BTBD7: variants seen among roughly 807,000 people sequenced by gnomAD.
BTBD7 encodes BTB domain containing 7.
BTBD7 carries 38 observed loss-of-function variants against 99.9 expected under a neutral mutation model. That is an observed-to-expected ratio of 0.38 (90% CI 0.29 to 0.50). The LOEUF is 0.50. BTBD7 is among the 20% of genes least tolerant of loss of function. The pLI, the probability that BTBD7 is intolerant of heterozygous loss-of-function variation, is 0.93. For synonymous variants in BTBD7, 520 were observed against 511.4 expected (o/e 1.02, Z -0.23); for missense variants, 1,170 against 1,394.6 (o/e 0.84, Z 2.57).
rs2053269662 is a variant in BTBD7 at position 93,321,544 on chromosome 14, G to C, written c.-107+11276C>G. 2.0e-5 allele frequency among the ~76,000 whole-genome samples: 3 copies of C among 152,330 alleles called. No individual in the cohort carries two copies. In the South Asian group the frequency reaches 6.2e-4, roughly 32 times the overall value. The stretch of plus-strand genomic sequence containing the variant: ...GGAGGTGGAGGTTGCAGTGAGCTGA[G>C]ATCGCGCCATGGCACTCCAGCCTGG... On this transcript the variant is annotated intron_variant, in intron 1 of 10. Coordinates refer to ENST00000334746, the MANE Select transcript of BTBD7 (RefSeq NM_001002860.4).
chr14:93,258,561 T>C (rs1290489645), intron 5 of BTBD7, among the ~76,000 whole-genome samples: 5 of 152,052 alleles, frequency 3.3e-5, no homozygotes, highest in Non-Finnish European at 5.9e-5. Flanking sequence ...ACTAACCCAG[T>C]GTGGAAACTA....
chr14:93,259,365 C>T (rs938970134), intron 5 of BTBD7, among the ~76,000 whole-genome samples: 5 of 152,106 alleles, frequency 3.3e-5, no homozygotes, highest in Non-Finnish European at 7.3e-5. Flanking sequence ...CAGTACTACA[C>T]CTGGGGGCCA....
intron 1 of BTBD7, among the ~76,000 whole-genome samples, chr14:93,330,847 C>T (rs1288519442): frequency 6.6e-6 from 1 of 152,184 alleles, no homozygotes; most frequent in Non-Finnish European, 1.5e-5. Context: ...TACCTGGAAA[C>T]TAGGTAGTGT....
chr14:93,333,024 C>G lies in BTBD7; in HGVS notation c.-311G>C, dbSNP rs2053477304. On this transcript the variant is annotated 5_prime_UTR_variant, in exon 1 of 11. Transcript: ENST00000334746. ...GTTCCCCTCGCCGCCATTTTGACTCCTAGACGGAGCAGGAGGGGCTCGGTT... is the reference window on the plus strand; with the variant it reads ...GTTCCCCTCGCCGCCATTTTGACTCGTAGACGGAGCAGGAGGGGCTCGGTT... 1.9e-6 allele frequency: 1 copy of G among 513,904 alleles called. No homozygotes were observed. The highest frequency in any genetic ancestry group is 3.3e-6 in the Non-Finnish European group (1 of 300,222). 31.8% of individuals were successfully genotyped at this position (513,904 alleles called of 1,614,324 possible). A position where few individuals can be genotyped will look rare whatever the true frequency, so the allele number is the denominator to read the frequency against.
Position 93,294,549 on chromosome 14 carries a change from A to C in BTBD7, c.471T>G (p.Arg157=). 1 of 1,614,000 alleles carries C rather than the reference A, an allele frequency of 6.2e-7. No homozygotes were observed. Among genetic ancestry groups the C allele is most frequent in the Non-Finnish European group, 8.5e-7 (1 of 1,179,962 alleles). Residue 157 remains arginine, a synonymous_variant, in exon 3 of 11, where the codon CGT becomes CGG. Transcript: ENST00000334746. The part of the protein sequence containing the change: ...IFQETCFPVH[R]AILAARCPFF... Reference sequence around the variant, plus strand: ...ATGGACACCTTGCTGCCAAAATGGCACGATGAACAGGAAAACAAGTTTCTT... The same window carrying C: ...ATGGACACCTTGCTGCCAAAATGGCCCGATGAACAGGAAAACAAGTTTCTT...
intron 1 of BTBD7, among the ~76,000 whole-genome samples, chr14:93,306,347 C>G (rs1396836906): frequency 6.6e-6 from 1 of 151,548 alleles, no homozygotes; most frequent in Non-Finnish European, 1.5e-5. Context: ...GTGGCTCACG[C>G]CTATAATCCC....
chr14:93,272,786 C>T (rs550894920), intron 3 of BTBD7, among the ~76,000 whole-genome samples: 3 of 152,254 alleles, frequency 2.0e-5, no homozygotes, highest in African/African-American at 7.2e-5. Context: ...ACTGTCGGTC[C>T]TTAGATGCTG....
At chr14:93,257,470 C>T in intron 5 of BTBD7, 115 bp from the exon 6 acceptor site, 1 of 883,614 alleles carries the variant, frequency 1.1e-6, no homozygotes, top group Non-Finnish European at 1.6e-6. Context: ...TGTGCCTCTG[C>T]TTTAAAAAGG....
At chr14:93,280,373 C>G (rs1231718114) in intron 3 of BTBD7, among the ~76,000 whole-genome samples, 1 of 152,130 alleles carries the variant, frequency 6.6e-6, no homozygotes, top group Admixed American at 6.6e-5. Flanking sequence ...ACACTGACAA[C>G]GAAAACCTAA....
intron 3 of BTBD7, among the ~76,000 whole-genome samples, chr14:93,272,472 T>C (rs2139723894): frequency 6.6e-6 from 1 of 152,274 alleles, no homozygotes; most frequent in South Asian, 2.1e-4. Flanking sequence ...CCTACAGATT[T>C]GTCCTTCAGA....
At chr14:93,289,577 ATTG>A (rs1260314420) in intron 3 of BTBD7, among the ~76,000 whole-genome samples, 2 of 152,000 alleles carry the variant, frequency 1.3e-5, no homozygotes, top group African/African-American at 2.4e-5. Context: ...CATCTTCCCC[ATTG>A]TTGTTTTCTC....
chr14:93,308,149 T>C (rs1475122755), intron 1 of BTBD7, among the ~76,000 whole-genome samples: 2 of 151,606 alleles, frequency 1.3e-5, no homozygotes, highest in Non-Finnish European at 2.9e-5. Context: ...TAGCCGGGTG[T>C]GGTGGTGGGC....
Position 93,326,540 on chromosome 14 carries a change from G to A in BTBD7, c.-107+6280C>T, listed in dbSNP as rs144855316. Among the ~76,000 whole-genome samples the A allele has an allele frequency of 1.4e-3, 215 of 152,110 alleles. 2 individuals carry two copies. The highest frequency in any genetic ancestry group is 0.01 in the Middle Eastern group (3 of 294). ...AACTGGGCCAGACATGGTAGCTCAC[G>A]CCTATAATCCCAGCAATTTGGGAGG... On this transcript the variant is annotated intron_variant, in intron 1 of 10. Transcript: ENST00000334746.
At chr14:93,332,554 C>T (rs895137405) in intron 1 of BTBD7, among the ~76,000 whole-genome samples, 3 of 151,644 alleles carry the variant, frequency 2.0e-5, no homozygotes, top group Non-Finnish European at 4.4e-5. Context: ...GAGCGCCACA[C>T]CTCGCGCCCC....
intron 1 of BTBD7, among the ~76,000 whole-genome samples, chr14:93,316,367 G>A (rs1181127494): frequency 6.6e-6 from 1 of 151,860 alleles, no homozygotes; most frequent in Admixed American, 6.6e-5. Context: ...GGGCTCAAGT[G>A]ATCCTCCCGA....
chr14:93,303,968 C>T (rs2053037915), intron 1 of BTBD7, among the ~76,000 whole-genome samples: 1 of 152,180 alleles, frequency 6.6e-6, no homozygotes, highest in Admixed American at 6.5e-5. Flanking sequence ...CCTGGACATC[C>T]CCAAAAGTTT....
At chr14:93,291,820 T>C (rs1298288643) in intron 3 of BTBD7, among the ~76,000 whole-genome samples, 2 of 150,798 alleles carry the variant, frequency 1.3e-5, no homozygotes, top group Admixed American at 6.6e-5. Context: ...TAACTCAAGA[T>C]AAACTCTAGA....
chr14:93,294,787 C>G lies in BTBD7; in HGVS notation c.233G>C (p.Arg78Thr), dbSNP rs779325313. The G allele has an allele frequency of 6.2e-7, 1 of 1,613,944 alleles. No homozygotes were observed. The highest frequency in any genetic ancestry group is 2.2e-5 in the East Asian group (1 of 44,860). ...CATCTGCTTGGCATGATCGGCAGAC[C>G]TATTAGATTTCCGACGCTTAATAAA... Reference protein sequence around the residue: ...KKFIKRRKSNRSADHAKQMRE... With the variant: ...KKFIKRRKSNTSADHAKQMRE... The change falls in exon 3 of 11, where the codon AGG becomes ACG. Residue 78 changes from arginine to threonine, a missense_variant. By Grantham distance (71) the Arg-to-Thr change is moderately conservative (BLOSUM62 -1). Around this residue, in one of 4 missense-constraint regions of BTBD7, gnomAD observed 359 missense variants for 497.9 expected, o/e 0.72. Transcript: ENST00000334746.
intron 1 of BTBD7, 150 bp from the exon 2 acceptor site, chr14:93,296,307 T>C (rs989141209): frequency 4.8e-5 from 26 of 537,086 alleles, no homozygotes; most frequent in African/African-American, 4.7e-4. Context: ...ATGTAAATCT[T>C]TAAGCTTGAA....
Sources: allele counts gnomAD v4.1 joint callset (sites outside exome capture counted in the v4.1 genomes callset), GRCh38; gene constraint gnomAD v4.1.1; regional missense constraint gnomAD v4.1.1; transcripts MANE v1.5; gene names NCBI Gene and HGNC (gene_info 2026-07-23, HGNC 2026-07-21).